The following TRPC7 variants were observed in gnomAD, a reference collection of about 807,000 sequenced individuals.
TRPC7 encodes short transient receptor potential channel 7.
Under a neutral mutation model 90.1 loss-of-function variants are expected in TRPC7, and 42 were observed. That is an observed-to-expected ratio of 0.47 (90% CI 0.36 to 0.60). TRPC7 has a LOEUF of 0.60. Ranked by LOEUF, TRPC7 falls within the 20% of genes least tolerant of loss-of-function variation. TRPC7 has a pLI of 0.00. For synonymous variants in TRPC7, 451 were observed against 436.3 expected (o/e 1.03, Z -0.42); for missense variants, 955 against 1,112.3 (o/e 0.86, Z 2.01).
chr5:136,325,921 C>T (rs977558239), intron 2 of TRPC7, among the ~76,000 whole-genome samples: 1 of 152,244 alleles, frequency 6.6e-6, no homozygotes, highest in Non-Finnish European at 1.5e-5. Flanking sequence ...CCCTACAACC[C>T]TCTCCCTTCC....
chr5:136,346,281 G>A (rs1017380640), intron 2 of TRPC7, among the ~76,000 whole-genome samples: 1 of 151,966 alleles, frequency 6.6e-6, no homozygotes, highest in Non-Finnish European at 1.5e-5. Context: ...CTTAGATGGT[G>A]GAATTAATGC....
At chr5:136,243,129 C>T (rs1196848032) in intron 7 of TRPC7, among the ~76,000 whole-genome samples, 1 of 152,152 alleles carries the variant, frequency 6.6e-6, no homozygotes, top group African/African-American at 2.4e-5. Context: ...TCTTAGAATG[C>T]TTGCCCTTCC....
At chr5:136,346,512 C>T (rs1272526320) in intron 2 of TRPC7, among the ~76,000 whole-genome samples, 2 of 152,056 alleles carry the variant, frequency 1.3e-5, no homozygotes, top group Admixed American at 6.6e-5. Context: ...TGTACACATA[C>T]GTGGAACACA....
At chr5:136,292,131 A>G (rs546423048) in intron 3 of TRPC7, among the ~76,000 whole-genome samples, 3 of 152,350 alleles carry the variant, frequency 2.0e-5, no homozygotes, top group East Asian at 3.9e-4. Flanking sequence ...TCTCTGGGAC[A>G]CATTCAAAGC....
chr5:136,233,527 A>G (rs1200601306), intron 7 of TRPC7, among the ~76,000 whole-genome samples: 1 of 152,196 alleles, frequency 6.6e-6, no homozygotes, highest in Non-Finnish European at 1.5e-5. Context: ...TAAATTCCAA[A>G]CTGGAAGGAG....
chr5:136,258,473 G>C (rs952743233), intron 5 of TRPC7, among the ~76,000 whole-genome samples: 1 of 151,860 alleles, frequency 6.6e-6, no homozygotes, highest in South Asian at 2.1e-4. Flanking sequence ...GTAAGCATGC[G>C]CCCCCACCCT....
At position 136,303,366 on chromosome 5, in the gene TRPC7, C is replaced by T. The variant is rs866232487; in HGVS notation, c.963+12231G>A. On this transcript the variant is annotated intron_variant, in intron 3 of 11. Coordinates refer to ENST00000513104, the MANE Select transcript of TRPC7 (RefSeq NM_020389.3). ...AAATAAAACTCCAAAAATTAAATTC[C>T]GGCCCTCAAACCCCACAACAGGACT... Among the ~76,000 whole-genome samples the T allele has an allele frequency of 2.7e-4, 41 of 152,238 alleles. No individual in the cohort carries two copies. The Middle Eastern group carries it at 0.014, about 51-fold the overall frequency.
intron 8 of TRPC7, chr5:136,226,468 A>C: frequency 1.8e-6 from 1 of 566,082 alleles, no homozygotes; most frequent in Non-Finnish European, 3.1e-6. Context: ...CTTTGGACTC[A>C]TGGCTGAAAA....
intron 9 of TRPC7, 73 bp from the exon 10 acceptor site, chr5:136,225,427 T>C (rs968217676): frequency 1.4e-6 from 2 of 1,448,672 alleles, no homozygotes; most frequent in African/African-American, 2.8e-5. Context: ...CTCGTAGGAC[T>C]TGAACAGTAT....
intron 3 of TRPC7, among the ~76,000 whole-genome samples, chr5:136,287,503 A>T (rs1474329527): frequency 6.6e-6 from 1 of 151,856 alleles, no homozygotes; most frequent in Non-Finnish European, 1.5e-5. Context: ...ATTCCATTGC[A>T]GTACTGAGAG....
At chr5:136,349,194 T>A (rs1760108439) in intron 2 of TRPC7, among the ~76,000 whole-genome samples, 1 of 152,252 alleles carries the variant, frequency 6.6e-6, no homozygotes. Flanking sequence ...CAGTAATATG[T>A]TAGCAGCACT....
intron 3 of TRPC7, among the ~76,000 whole-genome samples, chr5:136,278,881 C>T (rs931725530): frequency 4.6e-5 from 7 of 152,136 alleles, no homozygotes; most frequent in African/African-American, 1.7e-4. Context: ...CTATAGACGT[C>T]TGACACTCGA....
intron 7 of TRPC7, among the ~76,000 whole-genome samples, chr5:136,243,888 C>T (rs1051464117): frequency 6.6e-6 from 1 of 152,102 alleles, no homozygotes. Context: ...CTTCACTGTG[C>T]TTGCCGCCTC....
At position 136,213,743 on chromosome 5, in the gene TRPC7, G is replaced by C. The variant is rs1755168310; in HGVS notation, c.2420-139C>G. On this transcript the variant is annotated intron_variant, in intron 11 of 11. Transcript: ENST00000513104. Reference sequence around the variant, plus strand: ...CCACCAGGGTTGAAGGTGAGGCAAGGGGGGCTCTATTTGAACCCAGAACCA... The same window carrying C: ...CCACCAGGGTTGAAGGTGAGGCAAGCGGGGCTCTATTTGAACCCAGAACCA... The C allele has an allele frequency of 4.7e-6, 4 of 856,812 alleles. No individual in the cohort carries two copies. The Admixed American group carries it at 7.9e-5, about 17-fold the overall frequency. 53.1% of individuals were successfully genotyped at this position (856,812 alleles called of 1,614,324 possible).
intron 2 of TRPC7, among the ~76,000 whole-genome samples, chr5:136,331,040 G>C (rs1426169744): frequency 1.3e-5 from 2 of 152,136 alleles, no homozygotes; most frequent in South Asian, 4.1e-4. Context: ...CATTCCTCAG[G>C]TATAGAGAGA....
intron 3 of TRPC7, among the ~76,000 whole-genome samples, chr5:136,290,533 G>C (rs981041769): frequency 3.3e-5 from 5 of 152,174 alleles, no homozygotes; most frequent in Non-Finnish European, 4.4e-5. Flanking sequence ...CTGGAAGAAA[G>C]GGTATCAGCG....
intron 7 of TRPC7, among the ~76,000 whole-genome samples, chr5:136,243,967 G>A (rs1031826172): frequency 5.9e-5 from 9 of 151,868 alleles, no homozygotes; most frequent in South Asian, 2.1e-4. Flanking sequence ...TTGTGTCTAG[G>A]AAATCTTCAT....
At chr5:136,255,991 A>G (rs1223075428) in intron 5 of TRPC7, among the ~76,000 whole-genome samples, 1 of 152,226 alleles carries the variant, frequency 6.6e-6, no homozygotes, top group Non-Finnish European at 1.5e-5. Flanking sequence ...GAGTCTTACG[A>G]CTACTCAGAC....
Position 136,233,817 on chromosome 5 carries a change from T to C in TRPC7, c.1845-2268A>G, listed in dbSNP as rs115434619. On this transcript the variant is annotated intron_variant, in intron 7 of 11. Coordinates refer to ENST00000513104, the MANE Select transcript of TRPC7 (RefSeq NM_020389.3). ...CCAGGGAAAACCCTCTGAATTTTGA[T>C]TAGGGAACGTGGGCCTACATTCAGC... 4.8e-3 allele frequency among the ~76,000 whole-genome samples: 734 copies of C among 152,314 alleles called. 7 individuals are homozygous for C. The highest frequency in any genetic ancestry group is 0.017 in the African/African-American group (700 of 41,558).
Sources: gnomAD v4.1 joint callset for allele counts (sites outside exome capture counted in the v4.1 genomes callset) on GRCh38, gnomAD v4.1.1 for gene constraint, MANE v1.5 for transcripts, NCBI Gene and HGNC (gene_info 2026-07-23, HGNC 2026-07-21) for gene names.